ZNF396: variants seen among roughly 807,000 people sequenced by gnomAD.
The protein encoded by ZNF396 is zinc finger and SCAN domain-containing protein 14.
In ZNF396, 14 loss-of-function variants were observed where a neutral mutation model predicts 20.5. The ratio of observed to expected loss-of-function variants is 0.68; its 90% CI spans 0.45 to 1.07. The LOEUF (loss-of-function observed/expected upper bound fraction) is 1.07, where lower values mean the gene tolerates loss of function less well. Among genes scored for constraint, ZNF396 ranks in the 50% least tolerant of loss-of-function variants. The probability of loss-of-function intolerance (pLI) is 0.00; values close to 1 mark genes in which losing one functional copy is unlikely to be tolerated. For synonymous variants in ZNF396, 119 were observed against 140.6 expected, an observed-to-expected ratio of 0.85 and a Z score of 1.08; for missense variants, 347 against 390.1, an observed-to-expected ratio of 0.89 and a Z score of 0.93.
At chr18:35,372,054 C>A (rs2045188650) in intron 3 of ZNF396, 1 of 152,114 alleles carries the variant, frequency 6.6e-6, no homozygotes, top group African/African-American at 2.4e-5. Context: ...AGAAATGGTT[C>A]TATTATTCTA....
intron 3 of ZNF396, chr18:35,373,252 G>A: frequency 1.7e-6 from 1 of 599,342 alleles, no homozygotes; most frequent in Non-Finnish European, 2.6e-6. Flanking sequence ...TTTAAAGTCT[G>A]AAGATTTTAT....
At chr18:35,369,710 T>A in intron 3 of ZNF396, 50 bp from the exon 4 acceptor site, 3 of 1,505,030 alleles carry the variant, frequency 2.0e-6, no homozygotes. Flanking sequence ...ATGATCCAAA[T>A]GAAATATACA....
rs1000421987 is a variant in ZNF396 at position 35,367,374 on chromosome 18, G to A, written c.*1841C>T. On this transcript the variant is annotated 3_prime_UTR_variant, in exon 4 of 4. Coordinates refer to ENST00000589332, the MANE Select transcript of ZNF396 (RefSeq NM_001322286.2). The stretch of plus-strand genomic sequence containing the variant: ...GAGCTCCTCTAAGCCAGTTTCTGGA[G>A]ATACTCTAAGATATGGTTGGATTTT... 6.6e-6 allele frequency: 1 copy of A among 152,188 alleles called. No individual in the cohort carries two copies. Among genetic ancestry groups the A allele is most frequent in the African/African-American group, 2.4e-5 (1 of 41,450 alleles). 9.4% of individuals were successfully genotyped at this position (152,188 alleles called of 1,614,324 possible). A position where few individuals can be genotyped will look rare whatever the true frequency, so the allele number is the denominator to read the frequency against.
At chr18:35,371,451 A>C (rs1254588614) in intron 3 of ZNF396, among the ~76,000 whole-genome samples, 1 of 152,198 alleles carries the variant, frequency 6.6e-6, no homozygotes. Flanking sequence ...TTATTTATAA[A>C]AAGAATTTAT....
At chr18:35,370,412 G>T (rs2045157343) in intron 3 of ZNF396, among the ~76,000 whole-genome samples, 1 of 151,646 alleles carries the variant, frequency 6.6e-6, no homozygotes, top group Admixed American at 6.6e-5. Flanking sequence ...GGTGCCTAAA[G>T]CTCCAGCAGA....
In ZNF396 at chr18:35,368,404, T is replaced by C. The variant is rs1195729441; in HGVS notation, c.*811A>G. ...CACTTCAGCCTAGTCTTGAAGTACATATTCTTTTGGGCCTCTGCAATCGCA... is the reference window on the plus strand; with the variant it reads ...CACTTCAGCCTAGTCTTGAAGTACACATTCTTTTGGGCCTCTGCAATCGCA... On this transcript the variant is annotated 3_prime_UTR_variant, in exon 4 of 4. Transcript: ENST00000589332. 6.9e-7 allele frequency: 1 copy of C among 1,457,212 alleles called. No individual in the cohort carries two copies. The highest frequency in any genetic ancestry group is 1.7e-5 in the South Asian group (1 of 59,394). The allele number at this position is 1,457,212 out of a possible 1,614,324, so 90.3% of individuals were successfully genotyped here.
intron 3 of ZNF396, chr18:35,373,220 A>C (rs2143906031): frequency 2.0e-6 from 1 of 498,298 alleles, no homozygotes; most frequent in Non-Finnish European, 3.3e-6. Flanking sequence ...AGGCATGAAA[A>C]CCCTGATGCA....
At position 35,369,577 on chromosome 18, in the gene ZNF396, T is replaced by A; in HGVS notation, c.646A>T (p.Asn216Tyr). ...TGGGAGCCATTCATATGAAGGATATTGGAAACATTGCAATGCAGTTCTATG... is the reference window on the plus strand; with the variant it reads ...TGGGAGCCATTCATATGAAGGATATAGGAAACATTGCAATGCAGTTCTATG... Reference protein sequence around the residue: ...LGIELHCNVSNILHMNGSQSS... With the variant: ...LGIELHCNVSYILHMNGSQSS... Residue 216 changes from asparagine to tyrosine, a missense_variant, in exon 4 of 4, where the codon AAT (asparagine) becomes TAT (tyrosine). Transcript: ENST00000589332. 4 of 1,614,208 alleles carry A rather than the reference T, an allele frequency of 2.5e-6. No individual in the cohort carries two copies. The highest frequency in any genetic ancestry group is 3.4e-6 in the Non-Finnish European group (4 of 1,180,036).
At position 35,369,593 on chromosome 18, in the gene ZNF396, C is replaced by A. The variant is rs1418723792; in HGVS notation, c.630G>T (p.Leu210=). 1.2e-6 allele frequency: 2 copies of A among 1,614,014 alleles called. No homozygotes were observed. The highest frequency in any genetic ancestry group is 1.7e-6 in the Non-Finnish European group (2 of 1,179,996). Residue 210 remains leucine (L), a synonymous_variant, in exon 4 of 4, where the codon CTG becomes CTT. Transcript: ENST00000589332. ...GAAGGATATTGGAAACATTGCAATG[C>A]AGTTCTATGCCTAAAGAAGTCTTTT... ...SRQKTSLGIE[L]HCNVSNILHM...
In ZNF396 at chr18:35,373,440, A is replaced by C. The variant is rs1335100936; in HGVS notation, c.562+16T>G. ...CCCCCACACCTTCCAACATGAACTG[A>C]ATCCTGCCCCCTCACCATGTGGTCT... On this transcript the variant is annotated intron_variant, in intron 3 of 3. Transcript: ENST00000589332. 1 of 1,611,122 alleles carries C rather than the reference A, an allele frequency of 6.2e-7. No individual in the cohort carries two copies. Among genetic ancestry groups the C allele is most frequent in the Non-Finnish European group, 8.5e-7 (1 of 1,178,634 alleles).
intron 3 of ZNF396, 110 bp from the exon 4 acceptor site, chr18:35,369,770 G>A: frequency 1.8e-6 from 2 of 1,137,384 alleles, no homozygotes; most frequent in Admixed American, 5.5e-5. Context: ...GAAGGACGGA[G>A]AGTGTAAGAC....
chr18:35,370,546 T>A (rs2045162241), intron 3 of ZNF396, among the ~76,000 whole-genome samples: 1 of 119,898 alleles, frequency 8.3e-6, no homozygotes, highest in African/African-American at 3.2e-5. Flanking sequence ...GGAGTCTCGC[T>A]CTGTCGCCCA....
chr18:35,374,536 G>A lies in ZNF396; in HGVS notation c.-72-172C>T. The A allele has an allele frequency of 3.1e-6, 1 of 318,050 alleles. No individual in the cohort carries two copies. The allele number at this position is 318,050 out of a possible 1,614,324, so 19.7% of individuals were successfully genotyped here. On this transcript the variant is annotated intron_variant, in intron 1 of 3. Coordinates refer to ENST00000589332, the MANE Select transcript of ZNF396 (RefSeq NM_001322286.2). The surrounding 1 kb of genome is among the most constrained non-coding windows in gnomAD (Gnocchi z 4.3). The stretch of plus-strand genomic sequence containing the variant: ...TTTTGAGATGGAGTCTTGCTCTGTT[G>A]CCCAGGCTGGAGTGCAATGGTGTGA...
chr18:35,369,355 G>A lies in ZNF396; in HGVS notation c.868C>T (p.Arg290Ter), dbSNP rs369731655. 3.9e-5 allele frequency: 63 copies of A among 1,613,998 alleles called. No individual in the cohort carries two copies. Among genetic ancestry groups the A allele is most frequent in the Middle Eastern group, 1.6e-4 (1 of 6,084 alleles). ...CGATGCTGAATCAGAATTGCGCTTC[G>A]GCTGAATGCCTTTGCACACTCGTCA... is the stretch of plus-strand genomic sequence containing the variant. Reference protein sequence around the residue: ...ACDECAKAFSRSAILIQHRRT... With the variant: ...ACDECAKAFS The change falls in exon 4 of 4, where the codon CGA becomes TGA. Residue 290 changes from arginine to a stop codon, truncating the protein, a stop_gained. Coordinates refer to ENST00000589332, the MANE Select transcript of ZNF396 (RefSeq NM_001322286.2). LOFTEE classifies it low-confidence loss of function (END_TRUNC).
chr18:35,374,043 C>A lies in ZNF396; in HGVS notation c.250G>T (p.Glu84Ter), dbSNP rs773162152. The change falls in exon 2 of 4, where the codon GAA becomes TAA. Residue 84 changes from glutamate (E) to a stop codon, truncating the protein, a stop_gained. Transcript: ENST00000589332. LOFTEE classifies it high-confidence loss of function. This position sits in a 1 kb window ranked among gnomAD's most constrained non-coding sequence, Gnocchi z 4.3. ...AGGATCTGCTCCTTGGTGTGCACTT[C>A]CGGCCTCAGCCAGAGATGACAAAGT... The part of the protein sequence containing the change: ...WELCHLWLRP[E>*]VHTKEQILEL... 4 of 1,614,144 alleles carry A rather than the reference C, an allele frequency of 2.5e-6. No individual in the cohort carries two copies. Among genetic ancestry groups the A allele is most frequent in the Non-Finnish European group, 3.4e-6 (4 of 1,180,052 alleles).
intron 1 of ZNF396, among the ~76,000 whole-genome samples, chr18:35,375,354 A>G (rs964863224): frequency 6.6e-6 from 1 of 151,694 alleles, no homozygotes; most frequent in Admixed American, 6.6e-5. Flanking sequence ...ATGTATTTCT[A>G]TTTTTTTCCA....
rs2045224461 is a variant in ZNF396, at chr18:35,374,122, C to T, written c.171G>A (p.Gln57=). 10 of 1,614,262 alleles carry T rather than the reference C, an allele frequency of 6.2e-6. No individual in the cohort carries two copies. The highest frequency in any genetic ancestry group is 8.5e-6 in the Non-Finnish European group (10 of 1,180,046). Residue 57 remains glutamine (Q), a synonymous_variant, in exon 2 of 4, where the codon CAG becomes CAA. Transcript: ENST00000589332. This position sits in a 1 kb window ranked among gnomAD's most constrained non-coding sequence, Gnocchi z 4.3. ...GCCCAGGTGAATCCTGGTAGCCAAA[C>T]TGCCTGAATTGCTGGCGGAAGGTCT... The part of the protein sequence containing the change: ...SPETFRQQFR[Q]FGYQDSPGPH...
At chr18:35,376,754 C>G (rs976148149) in intron 1 of ZNF396, among the ~76,000 whole-genome samples, 1 of 152,194 alleles carries the variant, frequency 6.6e-6, no homozygotes, top group African/African-American at 2.4e-5. Flanking sequence ...CACTTCAGCA[C>G]CAGGCGCAGA....
chr18:35,368,425 T>A lies in ZNF396; in HGVS notation c.*790A>T, dbSNP rs562782489. ...TACATATTCTTTTGGGCCTCTGCAA[T>A]CGCATGTTCATATTTTGAATCTAGT... On this transcript the variant is annotated 3_prime_UTR_variant, in exon 4 of 4. Transcript: ENST00000589332. 7.1e-7 allele frequency: 1 copy of A among 1,416,264 alleles called. No homozygotes were observed. The highest frequency in any genetic ancestry group is 9.3e-7 in the Non-Finnish European group (1 of 1,077,738). The allele number at this position is 1,416,264 out of a possible 1,614,324, so 87.7% of individuals were successfully genotyped here. A position where few individuals can be genotyped will look rare whatever the true frequency, so the allele number is the denominator to read the frequency against.
Sources: allele counts gnomAD v4.1 joint callset (sites outside exome capture counted in the v4.1 genomes callset), GRCh38; gene constraint gnomAD v4.1.1; non-coding constraint Gnocchi (gnomAD v3.1); transcripts MANE v1.5; gene names NCBI Gene and HGNC (gene_info 2026-07-23, HGNC 2026-07-21).